MECR: variants seen among roughly 807,000 people sequenced by gnomAD.
MECR encodes enoyl-[acyl-carrier-protein] reductase, mitochondrial.
In MECR, 37 loss-of-function variants were observed where a neutral mutation model predicts 49.1. The observed-to-expected ratio is 0.75, with a 90% confidence interval of 0.58 to 0.99. The LOEUF is 0.99. MECR is among the 50% of genes least tolerant of loss of function. The pLI is 0.00. For synonymous variants in MECR, 198 were observed against 191.1 expected (o/e 1.04, Z -0.30); for missense variants, 470 against 479.6 (o/e 0.98, Z 0.19).
chr1:29,194,305 T>G (rs1673440722), intron 9 of MECR, 126 bp from the exon 10 acceptor site: 5 of 1,100,964 alleles, frequency 4.5e-6, no homozygotes, highest in Non-Finnish European at 6.4e-6. Flanking sequence ...GTCCTGGCTG[T>G]GCCAAGGATA....
At chr1:29,224,564 T>A (rs183595298) in intron 1 of MECR, 1 of 152,202 alleles carries the variant, frequency 6.6e-6, no homozygotes, top group African/African-American at 2.4e-5. Context: ...TGAGGGCCCG[T>A]CTTGTCTTGG....
downstream of MECR, among the ~76,000 whole-genome samples, chr1:29,189,549 G>A (rs1006201876): frequency 4.6e-5 from 7 of 152,214 alleles, no homozygotes; most frequent in African/African-American, 7.2e-5. Context: ...CACTTGTAAA[G>A]TAGAGAAGAG....
the MECR span, among the ~76,000 whole-genome samples, chr1:29,176,274 C>CAAA: frequency 6.6e-6 from 1 of 151,486 alleles, no homozygotes; most frequent in Admixed American, 6.6e-5. Context: ...AAACAAAAAA[C>CAAA]AAAAAAACAA....
At position 29,212,219 on chromosome 1, in the gene MECR, G is replaced by C. The variant is rs145468628; in HGVS notation, c.406+3786C>G. On this transcript the variant is annotated intron_variant, in intron 3 of 9. Coordinates refer to ENST00000263702, the MANE Select transcript of MECR (RefSeq NM_016011.5). ...AGATCACCTGAGGTCAGGAGTTCAA[G>C]ACCAGCCTGGCCAACAAGACGAAAC... 3.9e-3 allele frequency among the ~76,000 whole-genome samples: 601 copies of C among 152,304 alleles called. 1 individual carries two copies. Among genetic ancestry groups the C allele is most frequent in the African/African-American group, 9.2e-3 (381 of 41,560 alleles).
At chr1:29,186,182 A>C in the MECR span, among the ~76,000 whole-genome samples, 1 of 152,190 alleles carries the variant, frequency 6.6e-6, no homozygotes, top group Admixed American at 6.5e-5. Flanking sequence ...TCAACCTTCA[A>C]CCACTGCATT....
At chr1:29,215,954 G>C in intron 3 of MECR, 51 bp downstream of exon 3, 1 of 1,606,664 alleles carries the variant, frequency 6.2e-7, no homozygotes, top group Non-Finnish European at 8.5e-7. Flanking sequence ...CAGAGTGGGT[G>C]AAATAGGATC....
Position 29,198,964 on chromosome 1 carries a change from CCT to C in MECR, c.830+1550_830+1551del, listed in dbSNP as rs540463013. ...TAAAACAGAGGTTAGAACTGCACCC[CCT>C]GTCTAGGTGGTTGTGGGAAGGGTAA... is the stretch of plus-strand genomic sequence containing the variant. On this transcript the variant is annotated intron_variant, in intron 7 of 9. Transcript: ENST00000263702. 2.7e-3 allele frequency among the ~76,000 whole-genome samples: 413 copies of C among 152,148 alleles called. 1 individual carries two copies. The highest frequency in any genetic ancestry group is 7.2e-3 in the African/African-American group (298 of 41,500).
At chr1:29,181,886 C>CGTACGCGAGCT in the MECR span, 17 of 603,900 alleles carry the variant, frequency 2.8e-5, no homozygotes, top group Non-Finnish European at 4.2e-5. Context: ...ACCCCGGCGA[C>CGTACGCGAGCT]GTACGCGAGC....
chr1:29,204,297 C>T (rs1031404402), intron 4 of MECR, among the ~76,000 whole-genome samples: 2 of 151,904 alleles, frequency 1.3e-5, no homozygotes, highest in African/African-American at 4.8e-5. Flanking sequence ...GAAATGCTAT[C>T]TGGTTTTTGA....
chr1:29,210,460 G>A (rs1473233127), intron 3 of MECR, among the ~76,000 whole-genome samples: 5 of 152,096 alleles, frequency 3.3e-5, no homozygotes, highest in South Asian at 2.1e-4. Flanking sequence ...TCAAATCATC[G>A]TTCCCATTCA....
Position 29,201,386 on chromosome 1 carries a change from G to T in MECR, c.756+557C>A, listed in dbSNP as rs150587372. On this transcript the variant is annotated intron_variant, in intron 6 of 9. Transcript: ENST00000263702. The surrounding 1 kb of genome is among the most constrained non-coding windows in gnomAD (Gnocchi z 4.3). ...TCTGGTCACTTACTAGGCATGTTGT[G>T]GGGTGGAGGTTCTGGAAGGTTAAGA... is the stretch of plus-strand genomic sequence containing the variant. 4.7e-4 allele frequency: 250 copies of T among 533,088 alleles called. 2 individuals carry two copies. Among genetic ancestry groups the T allele is most frequent in the Middle Eastern group, 2.9e-3 (9 of 3,150 alleles). 33.0% of individuals were successfully genotyped at this position (533,088 alleles called of 1,614,324 possible).
intron 1 of MECR, among the ~76,000 whole-genome samples, chr1:29,219,934 C>G (rs1385447982): frequency 4.6e-5 from 7 of 152,178 alleles, no homozygotes; most frequent in Non-Finnish European, 1.0e-4. Context: ...GAGTTCAGAG[C>G]TCTTTTTACT....
chr1:29,222,791 G>T (rs1322823872), intron 1 of MECR, among the ~76,000 whole-genome samples: 1 of 152,130 alleles, frequency 6.6e-6, no homozygotes, highest in African/African-American at 2.4e-5. Context: ...GTCGGGGGCT[G>T]GCCCCACATT....
rs142606478 is a variant in MECR, at chr1:29,193,069, C to T, written c.*953G>A. 1,960 of 155,474 alleles carry T rather than the reference C, an allele frequency of 0.013. 41 individuals are homozygous for T. Among genetic ancestry groups the T allele is most frequent in the African/African-American group, 0.045 (1,850 of 41,524 alleles). The allele number at this position is 155,474 out of a possible 1,614,324, so 9.6% of individuals were successfully genotyped here. On this transcript the variant is annotated 3_prime_UTR_variant, in exon 10 of 10. Transcript: ENST00000263702. ...AGGTGATCCTCCCACCTCAACCTCC[C>T]GAGTAGCTGGGACTACAGGTGCACA...
chr1:29,175,459 G>A, the MECR span, among the ~76,000 whole-genome samples: 2 of 151,586 alleles, frequency 1.3e-5, no homozygotes, highest in South Asian at 4.2e-4. Context: ...ACTTTGGGAG[G>A]CCGAGGCGGG....
At chr1:29,198,395 C>G (rs553988303) in intron 7 of MECR, among the ~76,000 whole-genome samples, 1 of 152,358 alleles carries the variant, frequency 6.6e-6, no homozygotes, top group Admixed American at 6.5e-5. Flanking sequence ...AGGCCCACAG[C>G]TAGTAAGTCA....
chr1:29,222,133 G>A (rs1381015533), intron 1 of MECR, among the ~76,000 whole-genome samples: 8 of 152,222 alleles, frequency 5.3e-5, no homozygotes, highest in African/African-American at 1.9e-4. Flanking sequence ...TCGCTTTGTC[G>A]CCCAGGCTGG....
chr1:29,186,582 T>A, the MECR span, among the ~76,000 whole-genome samples: 1 of 152,216 alleles, frequency 6.6e-6, no homozygotes, highest in Non-Finnish European at 1.5e-5. Context: ...AAAATACTTA[T>A]TGAATGAATA....
intron 1 of MECR, among the ~76,000 whole-genome samples, chr1:29,227,248 C>T (rs1187852218): frequency 1.3e-5 from 2 of 152,148 alleles, no homozygotes. Flanking sequence ...CAGGCATGAG[C>T]CACCATGCCT....
Sources: gnomAD v4.1 joint callset for allele counts (sites outside exome capture counted in the v4.1 genomes callset) on GRCh38, gnomAD v4.1.1 for gene constraint, Gnocchi (gnomAD v3.1) non-coding constraint, MANE v1.5 for transcripts, NCBI Gene and HGNC (gene_info 2026-07-23, HGNC 2026-07-21) for gene names.